The following ZFPM1 variants were observed in gnomAD, a reference collection of about 807,000 sequenced individuals.
ZFPM1 encodes the protein zinc finger protein, FOG family member 1.
In ZFPM1, 28 loss-of-function variants were observed where a neutral mutation model predicts 46.3. The ratio of observed to expected loss-of-function variants is 0.60; its 90% CI spans 0.45 to 0.83. The LOEUF is 0.83. ZFPM1 is among the 40% of genes least tolerant of loss of function. The pLI, the probability that ZFPM1 is intolerant of heterozygous loss-of-function variation, is 0.00. For synonymous variants in ZFPM1, 957 were observed against 675.9 expected (o/e 1.42, Z -6.45); for missense variants, 1,878 against 1,432.4 (o/e 1.31, Z -5.02).
At position 88,533,128 on chromosome 16, in the gene ZFPM1, C is replaced by A. The variant is rs748406566; in HGVS notation, c.1190-20C>A. 1.7e-5 allele frequency: 25 copies of A among 1,473,478 alleles called. No homozygotes were observed. The highest frequency in any genetic ancestry group is 2.2e-5 in the Non-Finnish European group (25 of 1,117,194). 91.3% of individuals were successfully genotyped at this position (1,473,478 alleles called of 1,614,324 possible). Reference sequence around the variant, plus strand: ...GTCCTGCCCCAGGCCTGAGGTGCCACCCCTGCGATCTCTCTGCAGACAGTC... The same window carrying A: ...GTCCTGCCCCAGGCCTGAGGTGCCAACCCTGCGATCTCTCTGCAGACAGTC... On this transcript the variant is annotated intron_variant, in intron 9 of 9. Transcript: ENST00000319555.
rs867308042 is a variant in ZFPM1, at chr16:88,501,178, G to A, written c.268+12025G>A. ...GTGATGATGGAGATAGCAGACATGG[G>A]TGCGGGGGCCCTCCCGCAGGTGCTG... is the stretch of plus-strand genomic sequence containing the variant. On this transcript the variant is annotated intron_variant, in intron 3 of 9. Coordinates refer to ENST00000319555, the MANE Select transcript of ZFPM1 (RefSeq NM_153813.3). Among the ~76,000 whole-genome samples, 236 of 90,480 alleles carry A rather than the reference G, an allele frequency of 2.6e-3. 1 individual carries two copies. Among genetic ancestry groups the A allele is most frequent in the South Asian group, 0.015 (32 of 2,186 alleles). The allele number at this position is 90,480 out of a possible 152,430, so 59.4% of individuals were successfully genotyped here.
intron 1 of ZFPM1, among the ~76,000 whole-genome samples, chr16:88,455,132 G>GGTGTGTGTGTGT (rs4047261): frequency 2.6e-4 from 37 of 141,770 alleles, no homozygotes; most frequent in South Asian, 1.1e-3. Context: ...TCGGTTCTGG[G>GGTGTGTGTGTGT]GTGTGTGTGT....
intron 3 of ZFPM1, among the ~76,000 whole-genome samples, chr16:88,500,494 C>A (rs568086866): frequency 6.6e-6 from 1 of 152,274 alleles, no homozygotes; most frequent in African/African-American, 2.4e-5. Flanking sequence ...GTCACTAGCA[C>A]AGAAACAGCG....
chr16:88,460,701 C>T (rs543256269), intron 1 of ZFPM1, among the ~76,000 whole-genome samples: 11 of 152,322 alleles, frequency 7.2e-5, no homozygotes, highest in South Asian at 2.1e-4. Context: ...CCCTCCTATC[C>T]GAGCTGTGTT....
Position 88,498,187 on chromosome 16 carries a change from T to G in ZFPM1, c.268+9034T>G, listed in dbSNP as rs374619475. Among the ~76,000 whole-genome samples, 362 of 151,978 alleles carry G rather than the reference T, an allele frequency of 2.4e-3. 1 individual carries two copies. The highest frequency in any genetic ancestry group is 0.01 in the Middle Eastern group (3 of 294). On this transcript the variant is annotated intron_variant, in intron 3 of 9. Transcript: ENST00000319555. The stretch of plus-strand genomic sequence containing the variant: ...CTGTCCTGGGGAACACGGACCCACC[T>G]GGGGGGTCCCCAGAGGGAGCCTCAG...
rs571097300 is a variant in ZFPM1, at chr16:88,514,134, C to T, written c.269-253C>T. Among the ~76,000 whole-genome samples the T allele has an allele frequency of 1.3e-4, 20 of 152,316 alleles. No homozygotes were observed. In the South Asian group the frequency reaches 4.1e-3, roughly 32 times the overall value. ...AGCCCTTGCTCTGGAGAACGACCAT[C>T]GCAGGGCTCACAGCTCGCTCAAACC... On this transcript the variant is annotated intron_variant, in intron 3 of 9. Transcript: ENST00000319555.
intron 9 of ZFPM1, 57 bp from the exon 10 acceptor site, chr16:88,533,091 C>T: frequency 6.8e-7 from 1 of 1,465,804 alleles, no homozygotes; most frequent in Non-Finnish European, 9.0e-7. Flanking sequence ...CCCTCCAGCT[C>T]TGACCGGCCA....
chr16:88,525,310 C>A (rs1310507040), intron 4 of ZFPM1, among the ~76,000 whole-genome samples: 4 of 152,174 alleles, frequency 2.6e-5, no homozygotes, highest in Non-Finnish European at 4.4e-5. Flanking sequence ...GGGGAGGTAC[C>A]CCAGACCCAC....
chr16:88,482,000 A>G (rs1266571832), intron 1 of ZFPM1, among the ~76,000 whole-genome samples: 1 of 152,116 alleles, frequency 6.6e-6, no homozygotes, highest in Non-Finnish European at 1.5e-5. Flanking sequence ...CCATCTGTAG[A>G]CCGGGAAACT....
intron 4 of ZFPM1, among the ~76,000 whole-genome samples, chr16:88,519,942 G>A (rs377131982): frequency 6.9e-6 from 1 of 144,396 alleles, no homozygotes; most frequent in Non-Finnish European, 1.5e-5. Flanking sequence ...TGAGTGGATG[G>A]ATGGATGAAT....
At chr16:88,524,947 C>A (rs867802614) in intron 4 of ZFPM1, among the ~76,000 whole-genome samples, 1 of 152,262 alleles carries the variant, frequency 6.6e-6, no homozygotes, top group African/African-American at 2.4e-5. Flanking sequence ...AGGGCACCCA[C>A]CCCACTGGCC....
intron 4 of ZFPM1, among the ~76,000 whole-genome samples, chr16:88,522,939 T>C (rs949395744): frequency 6.6e-6 from 1 of 151,556 alleles, no homozygotes; most frequent in Non-Finnish European, 1.5e-5. Flanking sequence ...GGCGCGGTGG[T>C]TCACGCCTGT....
rs367790220 is a variant in ZFPM1 at position 88,524,532 on chromosome 16, T to G, written c.403-2282T>G. 7.9e-5 allele frequency among the ~76,000 whole-genome samples: 12 copies of G among 152,244 alleles called. No homozygotes were observed. The East Asian group carries it at 2.3e-3, about 30-fold the overall frequency. On this transcript the variant is annotated intron_variant, in intron 4 of 9. Transcript: ENST00000319555. ...GGCAGCCACTCACCACAGTGGACACTCAGCATGTGCTGCCCCGGACATGCC... is the reference window on the plus strand; with the variant it reads ...GGCAGCCACTCACCACAGTGGACACGCAGCATGTGCTGCCCCGGACATGCC...
chr16:88,524,946 A>C (rs1912196097), intron 4 of ZFPM1, among the ~76,000 whole-genome samples: 1 of 152,134 alleles, frequency 6.6e-6, no homozygotes, highest in Non-Finnish European at 1.5e-5. Context: ...CAGGGCACCC[A>C]CCCCACTGGC....
rs577252913 is a variant in ZFPM1, at chr16:88,475,517, G to GT, written c.41-10422_41-10421insT. Among the ~76,000 whole-genome samples, 30 of 152,048 alleles carry GT rather than the reference G, an allele frequency of 2.0e-4. No individual in the cohort carries two copies. The East Asian group carries it at 4.8e-3, about 25-fold the overall frequency. On this transcript the variant is annotated intron_variant, in intron 1 of 9. Coordinates refer to ENST00000319555, the MANE Select transcript of ZFPM1 (RefSeq NM_153813.3). ...CCCTGAGCAGGGGCAGGGGTCCGGG[G>GT]GGGGGAGCACAGCCAAGAAAAAGGG...
At chr16:88,528,325 A>C (rs1426939976) in intron 6 of ZFPM1, 87 bp downstream of exon 6, 1 of 1,385,048 alleles carries the variant, frequency 7.2e-7, no homozygotes, top group Non-Finnish European at 9.7e-7. Flanking sequence ...TGAGGGTGGG[A>C]AGCTCGGGGG....
At chr16:88,490,416 A>G (rs1909497108) in intron 3 of ZFPM1, among the ~76,000 whole-genome samples, 1 of 152,226 alleles carries the variant, frequency 6.6e-6, no homozygotes, top group Admixed American at 6.5e-5. Flanking sequence ...GCCGATGCAG[A>G]GCGCGCAAGC....
intron 4 of ZFPM1, among the ~76,000 whole-genome samples, chr16:88,522,619 C>T (rs144785848): frequency 7.2e-5 from 11 of 152,352 alleles, no homozygotes; most frequent in East Asian, 5.8e-4. Flanking sequence ...TCGGTGCCAC[C>T]GCAGAATCAA....
intron 4 of ZFPM1, among the ~76,000 whole-genome samples, chr16:88,519,045 G>C (rs538474135): frequency 5.7e-5 from 6 of 105,600 alleles, no homozygotes; most frequent in African/African-American, 1.8e-4. Flanking sequence ...TGGGTGGATG[G>C]ATAGATGGAT....
Sources: gnomAD v4.1 joint callset for allele counts (sites outside exome capture counted in the v4.1 genomes callset) on GRCh38, gnomAD v4.1.1 for gene constraint, MANE v1.5 for transcripts, NCBI Gene and HGNC (gene_info 2026-07-23, HGNC 2026-07-21) for gene names.